The following PLEKHG6 variants were observed in gnomAD, a reference collection of about 807,000 sequenced individuals.
PLEKHG6 encodes the protein pleckstrin homology and RhoGEF domain containing G6.
A neutral mutation model predicts 97.5 loss-of-function variants in PLEKHG6; 91 were observed. The ratio of observed to expected loss-of-function variants is 0.93; its 90% CI spans 0.79 to 1.11. The LOEUF is 1.11. Ranked by LOEUF, PLEKHG6 falls within the 50% of genes most tolerant of loss-of-function variation. PLEKHG6 has a pLI of 0.00. For missense variants in PLEKHG6, 1,044 were observed against 1,031.0 expected, an observed-to-expected ratio of 1.01 and a Z score of -0.17; for synonymous variants, 466 against 425.5, an observed-to-expected ratio of 1.10 and a Z score of -1.17.
At chr12:6,313,553 C>A (rs936113325) in intron 2 of PLEKHG6, 76 bp from the exon 3 acceptor site, 4 of 1,535,778 alleles carry the variant, frequency 2.6e-6, no homozygotes, top group Non-Finnish European at 3.6e-6. Context: ...TAGAGCCAAG[C>A]CTGCCCCCCT....
At chr12:6,319,148 C>A (rs1239243824) in intron 13 of PLEKHG6, 40 bp downstream of exon 13, 6 of 1,369,144 alleles carry the variant, frequency 4.4e-6, no homozygotes, top group Non-Finnish European at 6.2e-6. Flanking sequence ...GGGCAGGGGT[C>A]CCCGGAGCTC....
upstream of PLEKHG6, chr12:6,310,545 C>A (rs1427371432): frequency 6.6e-6 from 1 of 152,350 alleles, no homozygotes; most frequent in Admixed American, 6.5e-5. Flanking sequence ...AGGAGGGCAC[C>A]GCCACGTGAG....
intron 13 of PLEKHG6, among the ~76,000 whole-genome samples, chr12:6,320,632 C>A (rs183887441): frequency 1.3e-5 from 2 of 152,194 alleles, no homozygotes; most frequent in Non-Finnish European, 2.9e-5. Context: ...AGGGAGAACT[C>A]ATCTTGAGCT....
chr12:6,313,206 T>C (rs1466365025), intron 2 of PLEKHG6: 7 of 1,545,364 alleles, frequency 4.5e-6, no homozygotes, highest in Non-Finnish European at 6.1e-6. Context: ...CTCGTCCCCA[T>C]GTGTGAGGGA....
At chr12:6,311,639 G>T (rs1369787207) in intron 1 of PLEKHG6, among the ~76,000 whole-genome samples, 1 of 152,172 alleles carries the variant, frequency 6.6e-6, no homozygotes, top group Non-Finnish European at 1.5e-5. Context: ...TGCAGGGGGG[G>T]CAGCAGTTGT....
In PLEKHG6 at chr12:6,328,156, G is replaced by A; in HGVS notation, c.*11G>A. 1.2e-6 allele frequency: 2 copies of A among 1,613,824 alleles called. No homozygotes were observed. The highest frequency in any genetic ancestry group is 2.2e-5 in the East Asian group (1 of 44,882). ...TTCAGAGAGGTATGAGGAATGCAGA[G>A]GACCTTTGGCATGCATCTCTCCCAG... On this transcript the variant is annotated 3_prime_UTR_variant, in exon 16 of 16. Coordinates refer to ENST00000684764, the MANE Select transcript of PLEKHG6 (RefSeq NM_001384598.1).
chr12:6,322,282 G>A lies in PLEKHG6; in HGVS notation c.1524+3174G>A, dbSNP rs185624228. ...ACTGTAGGAATATTTAAACAGCAGC[G>A]CTTTGAAATTGAGGCAGCCAAGATA... On this transcript the variant is annotated intron_variant, in intron 13 of 15. Transcript: ENST00000684764. 1.4e-3 allele frequency among the ~76,000 whole-genome samples: 214 copies of A among 152,322 alleles called. No homozygotes were observed. The Middle Eastern group carries it at 0.017, about 12-fold the overall frequency.
chr12:6,326,690 G>C (rs1369982818), intron 14 of PLEKHG6, 117 bp downstream of exon 14: 3 of 953,954 alleles, frequency 3.1e-6, no homozygotes, highest in African/African-American at 3.4e-5. Context: ...GAACGCAGGC[G>C]TAGGGCAGGG....
At chr12:6,322,307 A>G (rs1463856924) in intron 13 of PLEKHG6, among the ~76,000 whole-genome samples, 1 of 152,254 alleles carries the variant, frequency 6.6e-6, no homozygotes, top group African/African-American at 2.4e-5. Context: ...CAGCCAAGAT[A>G]TAACCTAGTG....
intron 13 of PLEKHG6, among the ~76,000 whole-genome samples, chr12:6,320,064 G>A (rs1385366455): frequency 6.6e-6 from 1 of 152,200 alleles, no homozygotes; most frequent in Non-Finnish European, 1.5e-5. Flanking sequence ...TGAAACAGTT[G>A]TGTGTGTTGA....
chr12:6,317,994 G>A lies in PLEKHG6; in HGVS notation c.1155G>A (p.Lys385=), dbSNP rs572667773. The change falls in exon 10 of 16, where the codon AAG becomes AAA. Residue 385 remains lysine (K), a splice_region_variant and synonymous_variant. Coordinates refer to ENST00000684764, the MANE Select transcript of PLEKHG6 (RefSeq NM_001384598.1). ...AGCCACCCAGTGATGAGGTGGAGAAGGTGAGAGGGCAAAGGGAAGGGACCC... is the reference window on the plus strand; with the variant it reads ...AGCCACCCAGTGATGAGGTGGAGAAAGTGAGAGGGCAAAGGGAAGGGACCC... The part of the protein sequence containing the change: ...VLEPPSDEVE[K]NLRPFSTLDL... 3.8e-6 allele frequency: 6 copies of A among 1,587,956 alleles called. No homozygotes were observed. Among genetic ancestry groups the A allele is most frequent in the Non-Finnish European group, 5.1e-6 (6 of 1,166,722 alleles).
At chr12:6,324,737 T>C (rs540092560) in intron 13 of PLEKHG6, among the ~76,000 whole-genome samples, 2 of 152,306 alleles carry the variant, frequency 1.3e-5, no homozygotes, top group African/African-American at 4.8e-5. Context: ...CCTGGTGTCA[T>C]TTTCCTATCC....
At chr12:6,311,537 G>A in intron 1 of PLEKHG6, among the ~76,000 whole-genome samples, 1 of 152,242 alleles carries the variant, frequency 6.6e-6, no homozygotes, top group East Asian at 1.9e-4. Context: ...GAGACCAGCA[G>A]AAGAGGATGG....
At chr12:6,320,164 G>GCCCATCT (rs1244866256) in intron 13 of PLEKHG6, among the ~76,000 whole-genome samples, 1 of 152,180 alleles carries the variant, frequency 6.6e-6, no homozygotes, top group African/African-American at 2.4e-5. Context: ...ACCAGGTCAT[G>GCCCATCT]CCCATCTCTG....
In PLEKHG6 at chr12:6,315,052, C is replaced by T. The variant is rs767088521; in HGVS notation, c.342C>T (p.Ser114=). 6.2e-7 allele frequency: 1 copy of T among 1,613,944 alleles called. No individual in the cohort carries two copies. The highest frequency in any genetic ancestry group is 2.2e-5 in the East Asian group (1 of 44,888). Reference sequence around the variant, plus strand: ...TGGAGGTGAGGCTGCACACTTTCAGCATGTTTGGGATGCCCCGGCTGCCCC... The same window carrying T: ...TGGAGGTGAGGCTGCACACTTTCAGTATGTTTGGGATGCCCCGGCTGCCCC... ...HELEVRLHTF[S]MFGMPRLPPE... Residue 114 remains serine, a synonymous_variant, in exon 4 of 16, where the codon AGC becomes AGT. Transcript: ENST00000684764. This position sits in a 1 kb window ranked among gnomAD's most constrained non-coding sequence, Gnocchi z 4.5.
chr12:6,326,405 A>G (rs10849441), intron 13 of PLEKHG6, 23 bp from the exon 14 acceptor site: 715,337 of 1,589,732 alleles, frequency 0.45, 166,781 homozygotes, highest in Non-Finnish European at 0.48. Flanking sequence ...AGAGCTCTTA[A>G]TAACGAAAGT....
At chr12:6,318,523 TG>T (rs1278483717) in intron 11 of PLEKHG6, 103 bp downstream of exon 11, 2 of 1,395,236 alleles carry the variant, frequency 1.4e-6, no homozygotes, top group African/African-American at 2.9e-5. Flanking sequence ...GAAGAGGATG[TG>T]GTTCTGGCTA....
intron 2 of PLEKHG6, 54 bp downstream of exon 2, chr12:6,312,418 C>T (rs1592019439): frequency 5.2e-6 from 8 of 1,525,200 alleles, no homozygotes; most frequent in East Asian, 2.5e-5. Context: ...GGGAAGACAC[C>T]TAGGCTGTGG....
At chr12:6,327,178 G>T in intron 14 of PLEKHG6, 76 bp from the exon 15 acceptor site, 1 of 865,204 alleles carries the variant, frequency 1.2e-6, no homozygotes, top group Non-Finnish European at 1.8e-6. Context: ...GGCCATTTCT[G>T]GATGTAGTGA....
Sources: gnomAD v4.1 joint callset for allele counts (sites outside exome capture counted in the v4.1 genomes callset) on GRCh38, gnomAD v4.1.1 for gene constraint, Gnocchi (gnomAD v3.1) non-coding constraint, MANE v1.5 for transcripts, NCBI Gene and HGNC (gene_info 2026-07-23, HGNC 2026-07-21) for gene names.